SLC5A4: variants seen among roughly 807,000 people sequenced by gnomAD.
SLC5A4 encodes solute carrier family 5 member 4, also known as probable glucose sensor protein SLC5A4.
SLC5A4 carries 55 observed loss-of-function variants against 70.3 expected under a neutral mutation model. The observed-to-expected ratio is 0.78, with a 90% CI of 0.63 to 0.98. SLC5A4 has a LOEUF of 0.98. Among genes scored for constraint, SLC5A4 ranks in the 50% least tolerant of loss-of-function variants. The probability of loss-of-function intolerance (pLI) is 0.00; values close to 1 mark genes in which losing one functional copy is unlikely to be tolerated. For missense variants in SLC5A4, 735 were observed against 839.2 expected (o/e 0.88, Z 1.53); for synonymous variants, 268 against 305.7 (o/e 0.88, Z 1.29).
the SLC5A4 span, among the ~76,000 whole-genome samples, chr22:32,288,979 C>G: frequency 6.6e-6 from 1 of 151,968 alleles, no homozygotes; most frequent in South Asian, 2.1e-4. Flanking sequence ...GCTGTACTGC[C>G]TGGGACTTCA....
At chr22:32,344,511 T>C in the SLC5A4 span, among the ~76,000 whole-genome samples, 4 of 152,186 alleles carry the variant, frequency 2.6e-5, no homozygotes, top group Non-Finnish European at 5.9e-5. Flanking sequence ...CTGTCTCTTA[T>C]GCGATATTGA....
rs777643217 is a variant in SLC5A4 at position 32,224,345 on chromosome 22, A to G, written c.1587T>C (p.Phe529=). The G allele has an allele frequency of 1.2e-6, 2 of 1,614,190 alleles. No homozygotes were observed. The highest frequency in any genetic ancestry group is 3.3e-5 in the Admixed American group (2 of 60,030). ...KIICGVHYLY[F]SIVLFFGSML... ...TGGACCCAAAAAAGAGAACGATGGAAAAGTACAGATAGTGCACTCCACAGA... is the reference window on the plus strand; with the variant it reads ...TGGACCCAAAAAAGAGAACGATGGAGAAGTACAGATAGTGCACTCCACAGA... Residue 529 remains phenylalanine, a synonymous_variant, in exon 13 of 15, where the codon TTT becomes TTC. Coordinates refer to ENST00000266086, the MANE Select transcript of SLC5A4 (RefSeq NM_014227.3).
the SLC5A4 span, among the ~76,000 whole-genome samples, chr22:32,330,811 T>TGTG: frequency 3.9e-5 from 5 of 129,238 alleles, no homozygotes; most frequent in Admixed American, 1.5e-4. Flanking sequence ...CTGGTGTGTG[T>TGTG]TTTGGGAGGC....
At chr22:32,239,233 G>A (rs1926242987) in intron 5 of SLC5A4, 143 bp from the exon 6 acceptor site, 1 of 654,194 alleles carries the variant, frequency 1.5e-6, no homozygotes, top group South Asian at 1.9e-5. Flanking sequence ...TGGCCCCAGA[G>A]TAATACCTTC....
chr22:32,324,977 A>G, the SLC5A4 span, among the ~76,000 whole-genome samples: 31 of 152,368 alleles, frequency 2.0e-4, no homozygotes, highest in South Asian at 6.4e-3. Context: ...CTGTGAGTGC[A>G]GGAAGCTGTT....
chr22:32,255,065 C>G, intron 1 of SLC5A4, 130 bp downstream of exon 1: 2 of 893,624 alleles, frequency 2.2e-6, no homozygotes, highest in Non-Finnish European at 3.6e-6. Context: ...TTATGCAACA[C>G]ACAAGAAAAT....
the SLC5A4 span, among the ~76,000 whole-genome samples, chr22:32,303,002 CTTT>C: frequency 6.6e-6 from 1 of 151,626 alleles, no homozygotes; most frequent in African/African-American, 2.4e-5. Context: ...AGTGTTTTCT[CTTT>C]TTTAAAAAAA....
chr22:32,331,056 GA>G, the SLC5A4 span, among the ~76,000 whole-genome samples: 1 of 129,094 alleles, frequency 7.7e-6, no homozygotes, highest in Non-Finnish European at 1.7e-5. Context: ...GTGTGTGTTG[GA>G]GGCTCTGGTG....
chr22:32,225,568 G>A, intron 12 of SLC5A4, 87 bp downstream of exon 12: 1 of 803,292 alleles, frequency 1.2e-6, no homozygotes, highest in Non-Finnish European at 2.0e-6. Context: ...ATAAATAGGG[G>A]AGAAAGAATG....
chr22:32,245,451 C>A (rs991548887), intron 5 of SLC5A4, among the ~76,000 whole-genome samples: 13 of 152,298 alleles, frequency 8.5e-5, no homozygotes, highest in South Asian at 4.1e-4. Context: ...TTCGGGGGCC[C>A]CTTTTCACTG....
At chr22:32,300,460 G>A in the SLC5A4 span, among the ~76,000 whole-genome samples, 1 of 152,176 alleles carries the variant, frequency 6.6e-6, no homozygotes, top group East Asian at 1.9e-4. Flanking sequence ...GACTCAGAAA[G>A]GGCACTCCCT....
At chr22:32,304,174 T>A in the SLC5A4 span, among the ~76,000 whole-genome samples, 1 of 152,140 alleles carries the variant, frequency 6.6e-6, no homozygotes, top group Non-Finnish European at 1.5e-5. Flanking sequence ...TCATCCGGGG[T>A]GGAGTGCAAT....
At chr22:32,342,937 T>C in the SLC5A4 span, 2 of 152,362 alleles carry the variant, frequency 1.3e-5, no homozygotes, top group East Asian at 1.9e-4. Flanking sequence ...ATCCCTGCCA[T>C]GTAGCCATGG....
At chr22:32,303,941 CCA>C in the SLC5A4 span, among the ~76,000 whole-genome samples, 1 of 152,164 alleles carries the variant, frequency 6.6e-6, no homozygotes, top group East Asian at 1.9e-4. Flanking sequence ...TCCTGTTTCT[CCA>C]CATTCTCACC....
At chr22:32,230,561 A>G (rs1353331024) in intron 10 of SLC5A4, among the ~76,000 whole-genome samples, 1 of 152,108 alleles carries the variant, frequency 6.6e-6, no homozygotes, top group Non-Finnish European at 1.5e-5. Flanking sequence ...ACTAGCCCCA[A>G]AAATGCCCCC....
chr22:32,338,713 AG>A, the SLC5A4 span, among the ~76,000 whole-genome samples: 8 of 152,300 alleles, frequency 5.3e-5, no homozygotes, highest in East Asian at 1.9e-4. Flanking sequence ...CATACTGGAG[AG>A]GGTGCCCCGA....
the SLC5A4 span, among the ~76,000 whole-genome samples, chr22:32,351,464 G>A: frequency 6.6e-6 from 1 of 151,722 alleles, no homozygotes; most frequent in Non-Finnish European, 1.5e-5. Flanking sequence ...AGCACTCTGA[G>A]AGGCTGAGAT....
At chr22:32,294,140 T>G in the SLC5A4 span, among the ~76,000 whole-genome samples, 1 of 152,180 alleles carries the variant, frequency 6.6e-6, no homozygotes, top group Non-Finnish European at 1.5e-5. Flanking sequence ...TTTTATCTCT[T>G]CAAATAGTAT....
chr22:32,310,053 G>A, the SLC5A4 span, among the ~76,000 whole-genome samples: 1 of 149,120 alleles, frequency 6.7e-6, no homozygotes, highest in Non-Finnish European at 1.5e-5. Flanking sequence ...TGGCAGCGGG[G>A]TGGGGAGGGG....
Sources: gnomAD v4.1 joint callset for allele counts (sites outside exome capture counted in the v4.1 genomes callset) on GRCh38, gnomAD v4.1.1 for gene constraint, MANE v1.5 for transcripts, NCBI Gene and HGNC (gene_info 2026-07-23, HGNC 2026-07-21) for gene names.